Variants in RPTOR observed in about 807,000 individuals in gnomAD.
RPTOR encodes the protein regulatory associated protein of MTOR complex 1.
In RPTOR, 21 loss-of-function variants were observed where a neutral mutation model predicts 169.9. The ratio of observed to expected loss-of-function variants is 0.12; its 90% CI spans 0.09 to 0.18. RPTOR has a LOEUF of 0.18. RPTOR is among the 10% of genes least tolerant of loss of function. The pLI is 1.00. For missense variants in RPTOR, 1,133 were observed against 1,855.9 expected (o/e 0.61, Z 7.16); for synonymous variants, 732 against 753.2 (o/e 0.97, Z 0.46).
intron 20 of RPTOR, among the ~76,000 whole-genome samples, chr17:80,904,079 G>C (rs933526945): frequency 6.6e-6 from 1 of 152,220 alleles, no homozygotes; most frequent in Non-Finnish European, 1.5e-5. Flanking sequence ...CCGCCCACCC[G>C]GCCCGGGAGG....
At chr17:80,671,561 G>A (rs2065822112) in intron 3 of RPTOR, among the ~76,000 whole-genome samples, 1 of 152,084 alleles carries the variant, frequency 6.6e-6, no homozygotes, top group Non-Finnish European at 1.5e-5. Context: ...AAGAACTTAA[G>A]TCGGTTGGGG....
At chr17:80,835,376 T>C (rs949824058) in intron 9 of RPTOR, among the ~76,000 whole-genome samples, 9 of 151,646 alleles carry the variant, frequency 5.9e-5, no homozygotes, top group Non-Finnish European at 1.3e-4. Flanking sequence ...TAACACAGAG[T>C]CCTCGAGTCT....
intron 3 of RPTOR, among the ~76,000 whole-genome samples, chr17:80,698,564 C>G (rs752130964): frequency 1.3e-5 from 2 of 152,188 alleles, no homozygotes; most frequent in African/African-American, 4.8e-5. Flanking sequence ...CACCTTCCAT[C>G]CTAGGCCGGC....
chr17:80,590,458 G>A (rs1472859364), intron 1 of RPTOR, among the ~76,000 whole-genome samples: 1 of 149,540 alleles, frequency 6.7e-6, no homozygotes, highest in Non-Finnish European at 1.5e-5. Context: ...CCGTGTGTTA[G>A]CATGGTAAAG....
chr17:80,619,826 A>T (rs1369092122), intron 1 of RPTOR, among the ~76,000 whole-genome samples: 3 of 152,172 alleles, frequency 2.0e-5, no homozygotes, highest in African/African-American at 7.2e-5. Flanking sequence ...ACACTGTGGA[A>T]TTTCAAAACC....
chr17:80,611,255 G>GTTA (rs556846624), intron 1 of RPTOR, among the ~76,000 whole-genome samples: 186 of 150,800 alleles, frequency 1.2e-3, no homozygotes, highest in Middle Eastern at 3.4e-3. Context: ...AGTAGCACAT[G>GTTA]TTATTATTAT....
chr17:80,775,313 G>A (rs1026640286), intron 6 of RPTOR, among the ~76,000 whole-genome samples: 2 of 152,032 alleles, frequency 1.3e-5, no homozygotes, highest in Non-Finnish European at 2.9e-5. Flanking sequence ...GTCTTGTTAT[G>A]TTGCCCAGGA....
rs1266920072 is a variant in RPTOR, at chr17:80,823,935, A to G, written c.1136+712A>G. ...TTCATCAATGGGAGAAACCCTAACAACACAAATATTTTTAAAAGAGCGATT... is the reference window on the plus strand; with the variant it reads ...TTCATCAATGGGAGAAACCCTAACAGCACAAATATTTTTAAAAGAGCGATT... On this transcript the variant is annotated intron_variant, in intron 9 of 33. Coordinates refer to ENST00000306801, the MANE Select transcript of RPTOR (RefSeq NM_020761.3). This position sits in a 1 kb window ranked among gnomAD's most constrained non-coding sequence, Gnocchi z 4.5. 6.6e-6 allele frequency among the ~76,000 whole-genome samples: 1 copy of G among 152,246 alleles called. No individual in the cohort carries two copies. The highest frequency in any genetic ancestry group is 1.5e-5 in the Non-Finnish European group (1 of 68,050).
chr17:80,749,487 C>T (rs375830911), intron 5 of RPTOR, among the ~76,000 whole-genome samples: 2,479 of 114,454 alleles, frequency 0.022, 47 homozygotes, highest in South Asian at 0.043. Context: ...GGAGGGGCTG[C>T]GGTGTGTGTT....
intron 1 of RPTOR, among the ~76,000 whole-genome samples, chr17:80,582,614 C>G (rs1342283919): frequency 6.9e-6 from 1 of 145,506 alleles, no homozygotes; most frequent in Non-Finnish European, 1.5e-5. Flanking sequence ...GGCGTGATCT[C>G]GGCTCACTGC....
At chr17:80,597,996 G>T (rs12948413) in intron 1 of RPTOR, among the ~76,000 whole-genome samples, 30,504 of 151,986 alleles carry the variant, frequency 0.2, 3,186 homozygotes, top group East Asian at 0.27. Context: ...AAAAATATTA[G>T]CTGGGTGTGG....
chr17:80,958,884 C>G lies in RPTOR; in HGVS notation c.3477+1154C>G, dbSNP rs541419245. On this transcript the variant is annotated intron_variant, in intron 29 of 33. Coordinates refer to ENST00000306801, the MANE Select transcript of RPTOR (RefSeq NM_020761.3). ...TGGAGCAGAGGCGAGACCACAGATACTGTGAGGGGCAGCGCCTGAGGTGGC... is the reference window on the plus strand; with the variant it reads ...TGGAGCAGAGGCGAGACCACAGATAGTGTGAGGGGCAGCGCCTGAGGTGGC... Among the ~76,000 whole-genome samples the G allele has an allele frequency of 2.0e-5, 3 of 152,370 alleles. No homozygotes were observed. The South Asian group carries it at 6.2e-4, about 32-fold the overall frequency.
At chr17:80,788,795 A>C (rs188010271) in intron 6 of RPTOR, among the ~76,000 whole-genome samples, 39 of 152,356 alleles carry the variant, frequency 2.6e-4, no homozygotes, top group African/African-American at 8.2e-4. Context: ...CAGCTGTGTT[A>C]TATTATCATT....
chr17:80,849,706 G>A (rs925010252), intron 11 of RPTOR, among the ~76,000 whole-genome samples: 24 of 152,296 alleles, frequency 1.6e-4, no homozygotes, highest in African/African-American at 5.8e-4. Context: ...TTTTAGTAGT[G>A]ACAAGGTTTC....
intron 3 of RPTOR, among the ~76,000 whole-genome samples, chr17:80,674,787 C>CAAAAAAAAAAAAAAAAAAA (rs9319608): frequency 5.6e-5 from 5 of 89,974 alleles, no homozygotes; most frequent in Admixed American, 1.5e-4. Context: ...GACTCTGTCT[C>CAAAAAAAAAAAAAAAAAAA]AAAAAAAAAA....
chr17:80,817,721 C>T (rs1020833298), intron 7 of RPTOR, among the ~76,000 whole-genome samples: 3 of 152,026 alleles, frequency 2.0e-5, no homozygotes, highest in Non-Finnish European at 4.4e-5. Flanking sequence ...GAATCAAAGG[C>T]GAGGGCTGGA....
At chr17:80,749,122 G>A (rs1425388556) in intron 5 of RPTOR, among the ~76,000 whole-genome samples, 10 of 21,024 alleles carry the variant, frequency 4.8e-4, no homozygotes, top group African/African-American at 7.0e-4. Context: ...GTGTGTGTTT[G>A]GAGGCCGTGG....
chr17:80,762,881 G>C (rs1172241044), intron 6 of RPTOR, among the ~76,000 whole-genome samples: 1 of 152,028 alleles, frequency 6.6e-6, no homozygotes, highest in African/African-American at 2.4e-5. Flanking sequence ...GAAAAGACAG[G>C]CTTAGTAAAT....
At chr17:80,877,480 T>G (rs1032150229) in intron 13 of RPTOR, among the ~76,000 whole-genome samples, 4 of 152,224 alleles carry the variant, frequency 2.6e-5, no homozygotes, top group African/African-American at 9.6e-5. Flanking sequence ...AGGGCACATC[T>G]AAGTTCTCCC....
Sources: gnomAD v4.1 joint callset for allele counts (sites outside exome capture counted in the v4.1 genomes callset) on GRCh38, gnomAD v4.1.1 for gene constraint, Gnocchi (gnomAD v3.1) non-coding constraint, MANE v1.5 for transcripts, NCBI Gene and HGNC (gene_info 2026-07-23, HGNC 2026-07-21) for gene names.